C9orf43: variants seen among roughly 807,000 people sequenced by gnomAD.
C9orf43 encodes the protein chromosome 9 open reading frame 43, also known as uncharacterized protein C9orf43.
C9orf43 carries 45 observed loss-of-function variants against 59.1 expected under a neutral mutation model. The observed-to-expected ratio is 0.76, with a 90% CI of 0.60 to 0.98. C9orf43 has a LOEUF of 0.98. C9orf43 is among the 50% of genes least tolerant of loss of function. The pLI is 0.00. For synonymous variants in C9orf43, 203 were observed against 196.8 expected (o/e 1.03, Z -0.26); for missense variants, 533 against 554.9 (o/e 0.96, Z 0.40).
chr9:113,420,623 G>A (rs533244722), intron 4 of C9orf43: 37 of 272,606 alleles, frequency 1.4e-4, no homozygotes, highest in Non-Finnish European at 1.9e-4. Flanking sequence ...ATCCTAAATA[G>A]CTAAATGTGA....
intron 4 of C9orf43, chr9:113,420,803 C>A: frequency 1.0e-6 from 1 of 985,222 alleles, no homozygotes; most frequent in Non-Finnish European, 1.2e-6. Context: ...AGTAATGTTC[C>A]TGTAGGTAAG....
chr9:113,419,087 T>C lies in C9orf43; in HGVS notation c.288-21T>C. ...ATAAGTCTTTTGTATTTCTGTTTTA[T>C]GTGTGGAACTCATTTTTTAGGCCTC... On this transcript the variant is annotated intron_variant, in intron 3 of 13. Transcript: ENST00000374165. 2.5e-6 allele frequency: 4 copies of C among 1,596,646 alleles called. No homozygotes were observed. The Middle Eastern group carries it at 5.0e-4, about 199-fold the overall frequency.
At position 113,429,323 on chromosome 9, in the gene C9orf43, A is replaced by G. The variant is rs1828903293; in HGVS notation, c.1323A>G (p.Leu441=). 6.2e-7 allele frequency: 1 copy of G among 1,614,196 alleles called. No individual in the cohort carries two copies. The highest frequency in any genetic ancestry group is 1.3e-5 in the African/African-American group (1 of 75,048). The change falls in exon 14 of 14, where the codon CTA becomes CTG. Residue 441 remains leucine, a synonymous_variant. Transcript: ENST00000374165. The part of the protein sequence containing the change: ...ASTGWNSELK[L]LRILQDTDDE... ...CAGGCTGGAACTCTGAGCTCAAACT[A>G]CTTAGGATTCTTCAGGACACTGATG...
At chr9:113,426,171 C>T (rs1033862945) in intron 11 of C9orf43, among the ~76,000 whole-genome samples, 2 of 152,170 alleles carry the variant, frequency 1.3e-5, no homozygotes, top group African/African-American at 4.8e-5. Flanking sequence ...CCCTAACCTT[C>T]CTGCCACAAG....
At position 113,424,218 on chromosome 9, in the gene C9orf43, T is replaced by C; in HGVS notation, c.709T>C (p.Leu237=). Residue 237 remains leucine, a synonymous_variant, in exon 8 of 14, where the codon TTG becomes CTG. Coordinates refer to ENST00000374165, the MANE Select transcript of C9orf43 (RefSeq NM_001278629.2). ...TMLCPEMKIK[L]AMMKKNLPLE... Reference sequence around the variant, plus strand: ...GCTCTGTCCAGAGATGAAGATAAAATTGGCCATGATGAAAAAGAATCTTCC... The same window carrying C: ...GCTCTGTCCAGAGATGAAGATAAAACTGGCCATGATGAAAAAGAATCTTCC... 6.2e-7 allele frequency: 1 copy of C among 1,613,882 alleles called. No individual in the cohort carries two copies. The highest frequency in any genetic ancestry group is 8.5e-7 in the Non-Finnish European group (1 of 1,179,898).
chr9:113,425,566 C>A (rs2119102290), intron 10 of C9orf43, 77 bp from the exon 11 acceptor site: 2 of 1,526,366 alleles, frequency 1.3e-6, no homozygotes, highest in East Asian at 2.3e-5. Flanking sequence ...TAAATTCCTT[C>A]TTTTTGATAT....
At position 113,410,953 on chromosome 9, in the gene C9orf43, G is replaced by C. The variant is rs1331146907; in HGVS notation, c.-98G>C. The stretch of plus-strand genomic sequence containing the variant: ...GCAGTCTTTTTCCATCTCTACCGAA[G>C]TTGATGTTCATTTTTAATCTTTTCG... On this transcript the variant is annotated 5_prime_UTR_variant, in exon 1 of 14. Transcript: ENST00000374165. 9.1e-6 allele frequency: 9 copies of C among 986,228 alleles called. No individual in the cohort carries two copies. The highest frequency in any genetic ancestry group is 1.1e-5 in the Non-Finnish European group (9 of 830,504). The allele number at this position is 986,228 out of a possible 1,614,324, so 61.1% of individuals were successfully genotyped here. A position where few individuals can be genotyped will look rare whatever the true frequency, so the allele number is the denominator to read the frequency against.
chr9:113,421,329 G>A (rs1828563143), intron 5 of C9orf43, 126 bp downstream of exon 5: 1 of 665,438 alleles, frequency 1.5e-6, no homozygotes, highest in Non-Finnish European at 2.7e-6. Flanking sequence ...AAGCAGAGAA[G>A]GTCGTGGTCT....
At chr9:113,414,021 T>A in intron 3 of C9orf43, 127 bp downstream of exon 3, 2 of 1,020,746 alleles carry the variant, frequency 2.0e-6, no homozygotes, top group Non-Finnish European at 2.8e-6. Context: ...GTTAAAGAAG[T>A]GGTGAATAGG....
chr9:113,423,300 A>G (rs1301692451), intron 6 of C9orf43, 26 bp from the exon 7 acceptor site: 1 of 1,609,478 alleles, frequency 6.2e-7, no homozygotes, highest in Admixed American at 1.7e-5. Context: ...TGCTTTGGAG[A>G]ATTCTTTCCA....
intron 11 of C9orf43, among the ~76,000 whole-genome samples, chr9:113,426,120 A>G (rs375685480): frequency 2.0e-5 from 3 of 152,120 alleles, no homozygotes; most frequent in African/African-American, 7.2e-5. Flanking sequence ...GCCCCTCACT[A>G]GAACCCCAAA....
intron 4 of C9orf43, 111 bp from the exon 5 acceptor site, chr9:113,420,992 G>C (rs1168213860): frequency 1.1e-6 from 1 of 950,916 alleles, no homozygotes; most frequent in Non-Finnish European, 1.6e-6. Context: ...TTGAAGATGG[G>C]AAACTTAAAA....
chr9:113,422,513 G>A (rs747494436), intron 5 of C9orf43, 36 bp from the exon 6 acceptor site: 3 of 1,609,918 alleles, frequency 1.9e-6, no homozygotes, highest in South Asian at 2.2e-5. Context: ...CAGCTGAGAA[G>A]CATGTTTTGT....
At chr9:113,412,949 A>G (rs2119051732) in intron 1 of C9orf43, among the ~76,000 whole-genome samples, 1 of 152,336 alleles carries the variant, frequency 6.6e-6, no homozygotes, top group East Asian at 1.9e-4. Context: ...GAAAAATGAA[A>G]CATGTCTTCC....
In C9orf43 at chr9:113,419,088, G is replaced by T; in HGVS notation, c.288-20G>T. ...TAAGTCTTTTGTATTTCTGTTTTAT[G>T]TGTGGAACTCATTTTTTAGGCCTCC... is the stretch of plus-strand genomic sequence containing the variant. On this transcript the variant is annotated intron_variant, in intron 3 of 13. Coordinates refer to ENST00000374165, the MANE Select transcript of C9orf43 (RefSeq NM_001278629.2). The T allele has an allele frequency of 6.3e-7, 1 of 1,599,144 alleles. No homozygotes were observed. The highest frequency in any genetic ancestry group is 8.6e-7 in the Non-Finnish European group (1 of 1,169,496).
intron 5 of C9orf43, among the ~76,000 whole-genome samples, chr9:113,422,241 A>G (rs911901067): frequency 1.3e-5 from 2 of 152,236 alleles, no homozygotes; most frequent in African/African-American, 4.8e-5. Context: ...ACACCTACAT[A>G]TATCATTTCT....
rs754115616 is a variant in C9orf43 at position 113,410,848 on chromosome 9, A to G, written c.-203A>G. On this transcript the variant is annotated 5_prime_UTR_variant, in exon 1 of 14. Transcript: ENST00000374165. ...ATTTAGCAACCCTAAGCGGTTTGGA[A>G]TCTGCTTTGCTCTCACAGGACCTCA... 4 of 736,164 alleles carry G rather than the reference A, an allele frequency of 5.4e-6. No homozygotes were observed. The highest frequency in any genetic ancestry group is 6.7e-6 in the Non-Finnish European group (4 of 600,574). 45.6% of individuals were successfully genotyped at this position (736,164 alleles called of 1,614,324 possible). A position where few individuals can be genotyped will look rare whatever the true frequency, so the allele number is the denominator to read the frequency against.
chr9:113,428,134 C>A lies in C9orf43; in HGVS notation c.1031-13C>A, dbSNP rs761528886. The A allele has an allele frequency of 6.2e-7, 1 of 1,613,896 alleles. No homozygotes were observed. Among genetic ancestry groups the A allele is most frequent in the African/African-American group, 1.3e-5 (1 of 74,886 alleles). On this transcript the variant is annotated splice_polypyrimidine_tract_variant and intron_variant, in intron 11 of 13. Transcript: ENST00000374165. Reference sequence around the variant, plus strand: ...TAATAAGAGGAAGATTGAATGGACTCTTTGGTTACTAGGTTACAGAACTCT... The same window carrying A: ...TAATAAGAGGAAGATTGAATGGACTATTTGGTTACTAGGTTACAGAACTCT...
intron 13 of C9orf43, 74 bp downstream of exon 13, chr9:113,429,037 A>C: frequency 6.0e-6 from 9 of 1,510,188 alleles, no homozygotes; most frequent in Non-Finnish European, 7.4e-6. Context: ...TGACCAGGAT[A>C]GTTTACCTCC....
Sources: allele counts gnomAD v4.1 joint callset (sites outside exome capture counted in the v4.1 genomes callset), GRCh38; gene constraint gnomAD v4.1.1; transcripts MANE v1.5; gene names NCBI Gene and HGNC (gene_info 2026-07-23, HGNC 2026-07-21).